Variants in ASMTL observed in about 807,000 individuals in gnomAD.
The protein encoded by ASMTL is acetylserotonin O-methyltransferase like, also known as probable bifunctional dTTP/UTP pyrophosphatase/methyltransferase protein.
A neutral mutation model predicts 60.3 loss-of-function variants in ASMTL; 57 were observed. That is an observed-to-expected ratio of 0.95 (90% CI 0.76 to 1.18). The LOEUF is 1.18. ASMTL is among the 50% of genes most tolerant of loss of function. The pLI is 0.00. For synonymous variants in ASMTL, 419 were observed against 373.0 expected (o/e 1.12, Z -1.42); for missense variants, 981 against 852.6 (o/e 1.15, Z -1.88).
chrX:1,453,277 G>T (rs1411150512), upstream of ASMTL, among the ~76,000 whole-genome samples: 1 of 130,130 alleles, frequency 7.7e-6, no homozygotes, highest in African/African-American at 2.9e-5. Context: ...TGCCCTCTCC[G>T]CCAGGCCACG....
chrX:1,430,485 A>C (rs1333998587), intron 6 of ASMTL, among the ~76,000 whole-genome samples: 9 of 151,938 alleles, frequency 5.9e-5, no homozygotes, highest in Admixed American at 5.2e-4. Flanking sequence ...TAACAATAAA[A>C]TCGGCCGCGT....
Position 1,403,215 on chromosome X carries a change from G to C in ASMTL, c.*54C>G. 2 of 1,504,478 alleles carry C rather than the reference G, an allele frequency of 1.3e-6. No homozygotes were observed. Among genetic ancestry groups the C allele is most frequent in the Non-Finnish European group, 1.8e-6 (2 of 1,084,746 alleles). 93.2% of individuals were successfully genotyped at this position (1,504,478 alleles called of 1,614,324 possible). A position where few individuals can be genotyped will look rare whatever the true frequency, so the allele number is the denominator to read the frequency against. The stretch of plus-strand genomic sequence containing the variant: ...TCCTATGGTACTTGGGGACCGGGCG[G>C]TCCACCTGCAGCCTGGGGGAGGACA... On this transcript the variant is annotated 3_prime_UTR_variant, in exon 13 of 13. Transcript: ENST00000381317.
intron 2 of ASMTL, among the ~76,000 whole-genome samples, chrX:1,440,374 G>A (rs1460590470): frequency 6.6e-6 from 1 of 151,948 alleles, no homozygotes; most frequent in African/African-American, 2.4e-5. Context: ...ACAGGTGTGA[G>A]CCACTGCACC....
At chrX:1,421,935 C>T in intron 8 of ASMTL, 93 bp from the exon 9 acceptor site, 2 of 1,206,458 alleles carry the variant, frequency 1.7e-6, no homozygotes, top group Non-Finnish European at 1.2e-6. Flanking sequence ...TTAAAATAAA[C>T]ATCACCCATC....
chrX:1,432,376 G>C lies in ASMTL; in HGVS notation c.402C>G (p.Asp134Glu), dbSNP rs759310306. 3 of 1,611,890 alleles carry C rather than the reference G, an allele frequency of 1.9e-6. No individual in the cohort carries two copies. Among genetic ancestry groups the C allele is most frequent in the African/African-American group, 1.3e-5 (1 of 74,992 alleles). The change falls in exon 6 of 13, where the codon GAC (aspartate) becomes GAG (glutamate). Residue 134 changes from aspartate (D) to glutamate (E), a missense_variant and splice_region_variant. Coordinates refer to ENST00000381317, the MANE Select transcript of ASMTL (RefSeq NM_004192.4). ...GVAIVHCSSK[D>E]HQLDTRVSEF... is the part of the protein sequence containing the mutation. ...CCGAGACCCTGGTGTCCAGCTGATGGTCTGCAAGGACACAGCCGTGGGGGT... is the reference window on the plus strand; with the variant it reads ...CCGAGACCCTGGTGTCCAGCTGATGCTCTGCAAGGACACAGCCGTGGGGGT...
rs185646681 is a variant in ASMTL, at chrX:1,421,639, C to T, written c.1245+19G>A. ...AATGCACGCTAGACGGAAAGGTGTC[C>T]GCGGGGGTGTTATGCTACCTGGAAC... On this transcript the variant is annotated intron_variant, in intron 9 of 12. Coordinates refer to ENST00000381317, the MANE Select transcript of ASMTL (RefSeq NM_004192.4). 7.9e-3 allele frequency: 12,670 copies of T among 1,613,468 alleles called. 849 individuals carry two copies. In the African/African-American group the frequency reaches 0.15, roughly 19 times the overall value.
chrX:1,420,524 C>T (rs1368383979), intron 9 of ASMTL, among the ~76,000 whole-genome samples: 1 of 152,214 alleles, frequency 6.6e-6, no homozygotes, highest in African/African-American at 2.4e-5. Flanking sequence ...GCCAAGGAGG[C>T]ATGAGGCCAC....
rs2090806435 is a variant in ASMTL at position 1,432,080 on chromosome X, C to A, written c.509+189G>T. The A allele has an allele frequency of 7.4e-5, 45 of 609,186 alleles. 2 individuals are homozygous for A. The South Asian group carries it at 8.7e-4, about 12-fold the overall frequency. 37.7% of individuals were successfully genotyped at this position (609,186 alleles called of 1,614,324 possible). On this transcript the variant is annotated intron_variant, in intron 6 of 12. Coordinates refer to ENST00000381317, the MANE Select transcript of ASMTL (RefSeq NM_004192.4). ...CCCTCTCTGTCCTGGGAGTTTGCCT[C>A]TTTGAGCCTCCATGGGTCAGTGTGG...
intron 7 of ASMTL, among the ~76,000 whole-genome samples, chrX:1,426,738 G>C (rs758317835): frequency 7.2e-4 from 110 of 152,212 alleles, no homozygotes; most frequent in Middle Eastern, 3.4e-3. Context: ...CTGTAATCAG[G>C]AGGCTACTCC....
intron 6 of ASMTL, among the ~76,000 whole-genome samples, chrX:1,428,386 A>C (rs1297527488): frequency 6.6e-6 from 1 of 151,796 alleles, no homozygotes; most frequent in Non-Finnish European, 1.5e-5. Context: ...TCACGGCTGT[A>C]ATCCCAGCAC....
At chrX:1,422,523 T>C (rs756910869) in intron 8 of ASMTL, among the ~76,000 whole-genome samples, 1 of 152,130 alleles carries the variant, frequency 6.6e-6, no homozygotes, top group East Asian at 1.9e-4. Context: ...CTCCACCCAC[T>C]TCATGCCCAG....
At position 1,403,246 on chromosome X, in the gene ASMTL, A is replaced by T. The variant is rs368453914; in HGVS notation, c.*23T>A. The T allele has an allele frequency of 6.2e-7, 1 of 1,605,860 alleles. No homozygotes were observed. Among genetic ancestry groups the T allele is most frequent in the Admixed American group, 1.7e-5 (1 of 59,746 alleles). ...CTGCAGCCTGGGGGAGGACATCCCT[A>T]TAATGAACATGCTGCCTGGGCTTCA... On this transcript the variant is annotated 3_prime_UTR_variant, in exon 13 of 13. Transcript: ENST00000381317.
chrX:1,451,081 G>T (rs1298287190), intron 1 of ASMTL, among the ~76,000 whole-genome samples: 7 of 146,428 alleles, frequency 4.8e-5, no homozygotes, highest in Non-Finnish European at 6.0e-5. Context: ...AGGGATTCCG[G>T]ATCACTCTCC....
At position 1,432,320 on chromosome X, in the gene ASMTL, G is replaced by A. The variant is rs774064974; in HGVS notation, c.458C>T (p.Ser153Leu). The A allele has an allele frequency of 2.5e-6, 4 of 1,612,742 alleles. No individual in the cohort carries two copies. The highest frequency in any genetic ancestry group is 1.7e-4 in the Middle Eastern group (1 of 5,798). Residue 153 changes from serine (S) to leucine (L), a missense_variant, in exon 6 of 13, where the codon TCG becomes TTG. Ser to Leu is a moderately radical substitution (Grantham distance 145). Transcript: ENST00000381317. Reference sequence around the variant, plus strand: ...CCAGAGCAGCTCCTCGGACAGCTCCGAGAACTTCACCTTCGTTTCCTCGTA... The same window carrying A: ...CCAGAGCAGCTCCTCGGACAGCTCCAAGAACTTCACCTTCGTTTCCTCGTA... ...EFYEETKVKF[S>L]ELSEELLWEY...
At chrX:1,439,288 A>C (rs1444476167) in intron 2 of ASMTL, 144 bp from the exon 3 acceptor site, 3 of 736,224 alleles carry the variant, frequency 4.1e-6, no homozygotes, top group African/African-American at 3.5e-5. Flanking sequence ...GCTCAAGGTC[A>C]CGAGCAAGGA....
intron 6 of ASMTL, among the ~76,000 whole-genome samples, chrX:1,429,355 A>G (rs1251226167): frequency 6.6e-6 from 1 of 150,962 alleles, no homozygotes; most frequent in Admixed American, 6.6e-5. Context: ...GCAGGGACAC[A>G]CTCAGCTAGT....
chrX:1,426,349 C>CT (rs2090610344), intron 7 of ASMTL, among the ~76,000 whole-genome samples: 1 of 152,140 alleles, frequency 6.6e-6, no homozygotes, highest in African/African-American at 2.4e-5. Context: ...ACCTTTATTC[C>CT]TTATTCACTG....
Position 1,432,265 on chromosome X carries a change from T to C in ASMTL, c.509+4A>G. ...CCCGTCCCCCCACCGCCCCCGAGAC[T>C]CACATGGGCTCCCCGCTGTGGACGT... On this transcript the variant is annotated splice_donor_region_variant and intron_variant, in intron 6 of 12. Transcript: ENST00000381317. The C allele has an allele frequency of 3.4e-6, 5 of 1,457,266 alleles. No homozygotes were observed. Among genetic ancestry groups the C allele is most frequent in the Non-Finnish European group, 4.8e-6 (5 of 1,043,904 alleles). The allele number at this position is 1,457,266 out of a possible 1,614,324, so 90.3% of individuals were successfully genotyped here. A position where few individuals can be genotyped will look rare whatever the true frequency, so the allele number is the denominator to read the frequency against.
chrX:1,434,489 CAAA>C (rs34994213), intron 5 of ASMTL, among the ~76,000 whole-genome samples: 1 of 113,856 alleles, frequency 8.8e-6, no homozygotes. Flanking sequence ...GACCCTGTCT[CAAA>C]AAAAAAAAAA....
Sources: allele counts gnomAD v4.1 joint callset (sites outside exome capture counted in the v4.1 genomes callset), GRCh38; gene constraint gnomAD v4.1.1; transcripts MANE v1.5; gene names NCBI Gene and HGNC (gene_info 2026-07-23, HGNC 2026-07-21).